TAF12: variants seen among roughly 807,000 people sequenced by gnomAD.
TAF12 encodes transcription initiation factor TFIID subunit 12.
TAF12 carries 3 observed loss-of-function variants against 20.8 expected under a neutral mutation model. The observed-to-expected ratio is 0.14, with a 90% CI of 0.07 to 0.37. TAF12 has a LOEUF of 0.37. Among genes scored for constraint, TAF12 ranks in the 10% least tolerant of loss-of-function variants. The pLI is 1.00. For missense variants in TAF12, 131 were observed against 197.9 expected, an observed-to-expected ratio of 0.66 and a Z score of 2.03; for synonymous variants, 69 against 70.2, an observed-to-expected ratio of 0.98 and a Z score of 0.09.
At chr1:28,645,550 C>T (rs574510605), upstream of TAF12, among the ~76,000 whole-genome samples, 20 of 150,896 alleles carry the variant, frequency 1.3e-4, no homozygotes, top group Admixed American at 2.6e-4. Flanking sequence ...CAGGAGGCTG[C>T]GGAAGGAGAA....
chr1:28,641,705 G>A (rs1410382517), intron 1 of TAF12, among the ~76,000 whole-genome samples: 2 of 149,796 alleles, frequency 1.3e-5, no homozygotes. Flanking sequence ...TAGGTGGGAA[G>A]ACTGCTTGAG....
chr1:28,642,009 T>C (rs1668051127), intron 1 of TAF12, among the ~76,000 whole-genome samples: 2 of 152,224 alleles, frequency 1.3e-5, no homozygotes, highest in South Asian at 4.1e-4. Context: ...TAAAAGATGA[T>C]CTTTTGGGAC....
chr1:28,642,952 T>A, intron 1 of TAF12, 40 bp downstream of exon 1: 22 of 986,210 alleles, frequency 2.2e-5, no homozygotes, highest in Non-Finnish European at 2.6e-5. Context: ...GACTCCCTCC[T>A]CCCGCTCTTG....
intron 1 of TAF12, among the ~76,000 whole-genome samples, chr1:28,628,963 T>C (rs1393215790): frequency 6.6e-6 from 1 of 152,104 alleles, no homozygotes; most frequent in Admixed American, 6.6e-5. Flanking sequence ...TCCCAGCTAT[T>C]TGGGAGGCTG....
Position 28,619,647 on chromosome 1 carries a change from GAAAAAAA to G in TAF12, c.169-1624_169-1618del, listed in dbSNP as rs56098932. On this transcript the variant is annotated intron_variant, in intron 2 of 5. Coordinates refer to ENST00000373824, the MANE Select transcript of TAF12 (RefSeq NM_005644.4). ...CTAAACCTTCTAGTAAAATTCCACT[GAAAAAAA>G]AAAAAAAAAAAAAAAGCCGGGTACG... Among the ~76,000 whole-genome samples, 4 of 59,466 alleles carry G rather than the reference GAAAAAAA, an allele frequency of 6.7e-5. No individual in the cohort carries two copies. The East Asian group carries it at 1.6e-3, about 23-fold the overall frequency. 39.0% of individuals were successfully genotyped at this position (59,466 alleles called of 152,430 possible).
intron 1 of TAF12, chr1:28,642,724 T>A (rs889949415): frequency 6.1e-6 from 6 of 985,356 alleles, no homozygotes; most frequent in Non-Finnish European, 7.2e-6. Flanking sequence ...CGGGTCCTCA[T>A]AATCCTGCTC....
intron 1 of TAF12, among the ~76,000 whole-genome samples, chr1:28,629,276 T>C (rs1203114058): frequency 6.6e-6 from 1 of 152,108 alleles, no homozygotes; most frequent in Non-Finnish European, 1.5e-5. Context: ...TGGAAAAAAT[T>C]AAGATAAACT....
At chr1:28,603,825 A>C (rs183871247) in intron 5 of TAF12, among the ~76,000 whole-genome samples, 12 of 152,314 alleles carry the variant, frequency 7.9e-5, no homozygotes, top group Non-Finnish European at 1.3e-4. Context: ...AATGGCAAAA[A>C]AGTTAAAAGC....
intron 5 of TAF12, 100 bp from the exon 6 acceptor site, chr1:28,603,674 A>G: frequency 1.6e-6 from 2 of 1,254,170 alleles, no homozygotes; most frequent in Non-Finnish European, 2.3e-6. Context: ...TCTACACTGT[A>G]GGCCGCAGCC....
intron 1 of TAF12, among the ~76,000 whole-genome samples, chr1:28,639,027 G>A (rs541769440): frequency 4.6e-5 from 7 of 150,732 alleles, no homozygotes; most frequent in African/African-American, 1.2e-4. Flanking sequence ...CGCCCACCTC[G>A]GCCTCCCAAA....
upstream of TAF12, chr1:28,646,288 C>T (rs1321618834): frequency 1.3e-5 from 2 of 151,978 alleles, no homozygotes; most frequent in Admixed American, 1.3e-4. Context: ...GGAAAAAAGA[C>T]AGAGAGAGAG....
intron 1 of TAF12, among the ~76,000 whole-genome samples, chr1:28,637,271 GCT>G: frequency 6.6e-6 from 1 of 151,870 alleles, no homozygotes; most frequent in East Asian, 1.9e-4. Context: ...ACAGAGTTTT[GCT>G]CTGTCACCCA....
upstream of TAF12, among the ~76,000 whole-genome samples, chr1:28,645,278 G>A (rs1477616176): frequency 1.3e-5 from 2 of 148,724 alleles, no homozygotes; most frequent in African/African-American, 2.5e-5. Context: ...CTCGTGATCC[G>A]CCTGCCTTGG....
chr1:28,631,807 T>A (rs1377188298), intron 1 of TAF12, among the ~76,000 whole-genome samples: 1 of 152,096 alleles, frequency 6.6e-6, no homozygotes, highest in African/African-American at 2.4e-5. Context: ...TATACCTATA[T>A]AAAATAGCTA....
intron 1 of TAF12, among the ~76,000 whole-genome samples, chr1:28,637,679 T>C (rs961238376): frequency 3.9e-5 from 6 of 152,064 alleles, no homozygotes; most frequent in Non-Finnish European, 5.9e-5. Flanking sequence ...AAAAAGATTT[T>C]CTTTTTTTTA....
chr1:28,605,096 A>G (rs1273291626), intron 5 of TAF12, among the ~76,000 whole-genome samples: 2 of 152,182 alleles, frequency 1.3e-5, no homozygotes, highest in Non-Finnish European at 2.9e-5. Context: ...CTGCATCCAT[A>G]TTAGAAGAAC....
At chr1:28,627,652 C>T (rs1466714183) in intron 1 of TAF12, among the ~76,000 whole-genome samples, 1 of 113,986 alleles carries the variant, frequency 8.8e-6, no homozygotes, top group African/African-American at 3.6e-5. Flanking sequence ...GAGATCGCGC[C>T]ACTGCACTCC....
intron 1 of TAF12, among the ~76,000 whole-genome samples, chr1:28,635,827 T>A (rs2995158): frequency 0.9 from 135,185 of 150,714 alleles, 60,770 homozygotes; most frequent in East Asian, 0.99. Flanking sequence ...TTTTTTTTTT[T>A]AAAAAAACAA....
chr1:28,643,220 C>T (rs1355624057), upstream of TAF12: 31 of 593,482 alleles, frequency 5.2e-5, no homozygotes, highest in Non-Finnish European at 6.2e-5. Context: ...TAGGTACACC[C>T]TGCAGCTTGC....
Sources: allele counts gnomAD v4.1 joint callset (sites outside exome capture counted in the v4.1 genomes callset), GRCh38; gene constraint gnomAD v4.1.1; transcripts MANE v1.5; gene names NCBI Gene and HGNC (gene_info 2026-07-23, HGNC 2026-07-21).